The following SPSB4 variants were observed in gnomAD, a reference collection of about 807,000 sequenced individuals.
SPSB4 encodes splA/ryanodine receptor domain and SOCS box containing 4.
A neutral mutation model predicts 20.9 loss-of-function variants in SPSB4; 21 were observed. The ratio of observed to expected loss-of-function variants is 1.01; its 90% CI spans 0.71 to 1.45. SPSB4 has a LOEUF of 1.45. SPSB4 is among the 40% of genes most tolerant of loss of function. The probability of loss-of-function intolerance (pLI) is 0.00; values close to 1 mark genes in which losing one functional copy is unlikely to be tolerated. For synonymous variants in SPSB4, 207 were observed against 183.8 expected, an observed-to-expected ratio of 1.13 and a Z score of -1.02; for missense variants, 399 against 399.2, an observed-to-expected ratio of 1.00 and a Z score of 0.00.
At chr3:141,109,888 T>C (rs1180247441) in intron 2 of SPSB4, among the ~76,000 whole-genome samples, 1 of 152,206 alleles carries the variant, frequency 6.6e-6, no homozygotes, top group African/African-American at 2.4e-5. Context: ...CCAGGTGCTA[T>C]TTATAGCTCC....
At chr3:141,115,514 G>A (rs960164829) in intron 2 of SPSB4, among the ~76,000 whole-genome samples, 3 of 152,194 alleles carry the variant, frequency 2.0e-5, no homozygotes, top group African/African-American at 7.2e-5. Flanking sequence ...CCACTATTCA[G>A]TTAGGTTACC....
At position 141,148,573 on chromosome 3, in the gene SPSB4, G is replaced by A. The variant is rs908540608; in HGVS notation, c.*1304G>A. ...CTTAATGTGAATTTGACTGATGAAT[G>A]AAGAGCGTTTCTAATAAAGTTTGTC... On this transcript the variant is annotated 3_prime_UTR_variant, in exon 3 of 3. Coordinates refer to ENST00000310546, the MANE Select transcript of SPSB4 (RefSeq NM_080862.3). The surrounding 1 kb of genome is among the most constrained non-coding windows in gnomAD (Gnocchi z 4.5). 1.3e-5 allele frequency: 2 copies of A among 152,666 alleles called. No homozygotes were observed. Among genetic ancestry groups the A allele is most frequent in the Non-Finnish European group, 2.9e-5 (2 of 68,056 alleles). 9.5% of individuals were successfully genotyped at this position (152,666 alleles called of 1,614,324 possible).
intron 2 of SPSB4, among the ~76,000 whole-genome samples, chr3:141,073,519 A>G (rs1030727320): frequency 6.6e-6 from 1 of 152,200 alleles, no homozygotes; most frequent in Non-Finnish European, 1.5e-5. Flanking sequence ...TACTTCACAG[A>G]ATAAGCCCAT....
intron 2 of SPSB4, among the ~76,000 whole-genome samples, chr3:141,146,359 G>T (rs892398048): frequency 1.3e-5 from 2 of 152,092 alleles, no homozygotes; most frequent in African/African-American, 2.4e-5. Context: ...GGGTTCACAG[G>T]CATTTCAGAC....
intron 2 of SPSB4, among the ~76,000 whole-genome samples, chr3:141,092,428 A>G (rs140422142): frequency 1.7e-3 from 253 of 152,352 alleles, no homozygotes; most frequent in Non-Finnish European, 2.7e-3. Context: ...ACTATCAACA[A>G]ATGATCAGTC....
chr3:141,055,886 C>T (rs185243247), intron 1 of SPSB4, among the ~76,000 whole-genome samples: 45 of 152,308 alleles, frequency 3.0e-4, no homozygotes, highest in Middle Eastern at 3.4e-3. Context: ...AACACCCAGG[C>T]AGGGCTGACC....
chr3:141,127,693 G>A (rs1205147407), intron 2 of SPSB4, among the ~76,000 whole-genome samples: 1 of 152,088 alleles, frequency 6.6e-6, no homozygotes, highest in Non-Finnish European at 1.5e-5. Context: ...CAGCCATCAC[G>A]CCAAGCCATT....
At chr3:141,136,527 G>A (rs955508716) in intron 2 of SPSB4, among the ~76,000 whole-genome samples, 2 of 152,190 alleles carry the variant, frequency 1.3e-5, no homozygotes, top group African/African-American at 4.8e-5. Flanking sequence ...TAAGGTGCAA[G>A]GAAGGGATCC....
intron 2 of SPSB4, among the ~76,000 whole-genome samples, chr3:141,134,056 C>CTTTTTTTTTTTTTTTTTTTTTCTTTTTTT (rs1222303281): frequency 1.6e-5 from 1 of 61,632 alleles, no homozygotes; most frequent in African/African-American, 7.1e-5. Flanking sequence ...TTTCTTTTTT[C>CTTTTTTTTTTTTTTTTTTTTTCTTTTTTT]TTTTTTTTTT....
intron 2 of SPSB4, among the ~76,000 whole-genome samples, chr3:141,143,634 A>G (rs927052227): frequency 6.6e-6 from 1 of 152,162 alleles, no homozygotes; most frequent in East Asian, 1.9e-4. Context: ...CAGACTTGGG[A>G]CCCACTTGCT....
intron 1 of SPSB4, among the ~76,000 whole-genome samples, chr3:141,064,936 G>C (rs1334562368): frequency 6.6e-6 from 1 of 152,150 alleles, no homozygotes; most frequent in African/African-American, 2.4e-5. Context: ...TTACCTGATC[G>C]AACAAAGAGC....
At chr3:141,052,122 C>T (rs1936103910) in intron 1 of SPSB4, 130 bp downstream of exon 1, 1 of 152,426 alleles carries the variant, frequency 6.6e-6, no homozygotes, top group Non-Finnish European at 1.5e-5. Flanking sequence ...GAGAATTCCT[C>T]TCTGCAGGTT....
intron 2 of SPSB4, chr3:141,077,294 C>T (rs1005628012): frequency 6.6e-6 from 1 of 152,216 alleles, no homozygotes; most frequent in African/African-American, 2.4e-5. Flanking sequence ...TCATCCTTCT[C>T]AGCGGCTGCT....
intron 2 of SPSB4, among the ~76,000 whole-genome samples, chr3:141,091,980 T>C (rs959457818): frequency 6.6e-6 from 1 of 152,196 alleles, no homozygotes; most frequent in Non-Finnish European, 1.5e-5. Flanking sequence ...TCAGCCCAGA[T>C]GCTGCTTTTC....
intron 1 of SPSB4, among the ~76,000 whole-genome samples, chr3:141,056,652 T>G (rs1937643767): frequency 6.6e-6 from 1 of 152,268 alleles, no homozygotes; most frequent in Non-Finnish European, 1.5e-5. Context: ...AACCTTATCA[T>G]GTTTTCATCA....
intron 2 of SPSB4, among the ~76,000 whole-genome samples, chr3:141,132,603 G>A (rs1559856259): frequency 6.6e-6 from 1 of 151,974 alleles, no homozygotes; most frequent in Non-Finnish European, 1.5e-5. Context: ...TGCTGTGAAT[G>A]CCATTATTTC....
intron 2 of SPSB4, among the ~76,000 whole-genome samples, chr3:141,071,548 T>C (rs1269361575): frequency 2.6e-5 from 4 of 152,074 alleles, no homozygotes; most frequent in African/African-American, 9.7e-5. Flanking sequence ...ATTTTATAGA[T>C]GAGGAAACTG....
intron 1 of SPSB4, among the ~76,000 whole-genome samples, chr3:141,055,571 G>T (rs1446707970): frequency 6.6e-6 from 1 of 152,208 alleles, no homozygotes; most frequent in Non-Finnish European, 1.5e-5. Context: ...GGGTTGGCGG[G>T]CAAACAGTGG....
chr3:141,103,441 C>T (rs1938643375), intron 2 of SPSB4, among the ~76,000 whole-genome samples: 1 of 152,192 alleles, frequency 6.6e-6, no homozygotes, highest in Non-Finnish European at 1.5e-5. Context: ...ACTTTTGGTG[C>T]CCTCAGCTGT....
Sources: gnomAD v4.1 joint callset for allele counts (sites outside exome capture counted in the v4.1 genomes callset) on GRCh38, gnomAD v4.1.1 for gene constraint, Gnocchi (gnomAD v3.1) non-coding constraint, MANE v1.5 for transcripts, NCBI Gene and HGNC (gene_info 2026-07-23, HGNC 2026-07-21) for gene names.